Variants in CHD6 observed in about 807,000 individuals in gnomAD.
CHD6 encodes the protein ATP-dependent chromatin remodeler CHD6.
A neutral mutation model predicts 276.9 loss-of-function variants in CHD6; 50 were observed. The observed-to-expected ratio is 0.18, with a 90% CI of 0.14 to 0.23. CHD6 has a LOEUF of 0.23. Ranked by LOEUF, CHD6 falls within the 10% of genes least tolerant of loss-of-function variation. The probability of loss-of-function intolerance (pLI) is 1.00; values close to 1 mark genes in which losing one functional copy is unlikely to be tolerated. For missense variants in CHD6, 2,564 were observed against 3,365.8 expected, an observed-to-expected ratio of 0.76 and a Z score of 5.89; for synonymous variants, 1,173 against 1,229.3, an observed-to-expected ratio of 0.95 and a Z score of 0.96.
intron 1 of CHD6, among the ~76,000 whole-genome samples, chr20:41,594,618 G>T (rs759385374): frequency 5.3e-5 from 8 of 152,200 alleles, no homozygotes; most frequent in Non-Finnish European, 7.3e-5. Context: ...TTCAAAGCTT[G>T]CTTGGTCTTT....
Position 41,404,538 on chromosome 20 carries a change from C to T in CHD6, c.*55G>A. ...GAGGTGAAGTGAGGGAAGTAACAAA[C>T]CTTTATGGGATAAGAAACTTACAAG... On this transcript the variant is annotated 3_prime_UTR_variant, in exon 37 of 37. Coordinates refer to ENST00000373233, the MANE Select transcript of CHD6 (RefSeq NM_032221.5). 1 of 1,460,804 alleles carries T rather than the reference C, an allele frequency of 6.8e-7. No individual in the cohort carries two copies. The highest frequency in any genetic ancestry group is 9.1e-7 in the Non-Finnish European group (1 of 1,104,578). The allele number at this position is 1,460,804 out of a possible 1,614,324, so 90.5% of individuals were successfully genotyped here.
intron 27 of CHD6, among the ~76,000 whole-genome samples, chr20:41,434,338 A>G (rs1227238304): frequency 4.6e-5 from 7 of 152,244 alleles, no homozygotes; most frequent in Non-Finnish European, 1.5e-5. Flanking sequence ...TTATATAGTG[A>G]TAACAGGGTC....
chr20:41,487,152 C>T (rs1197062253), intron 14 of CHD6, among the ~76,000 whole-genome samples: 2 of 152,078 alleles, frequency 1.3e-5, no homozygotes, highest in Non-Finnish European at 2.9e-5. Context: ...TGGAACTGGA[C>T]CTTGAAAACT....
In CHD6 at chr20:41,484,544, T is replaced by C. The variant is rs945873488; in HGVS notation, c.2065A>G (p.Lys689Glu). 6.2e-7 allele frequency: 1 copy of C among 1,613,922 alleles called. No homozygotes were observed. Among genetic ancestry groups the C allele is most frequent in the Non-Finnish European group, 8.5e-7 (1 of 1,179,856 alleles). Residue 689 changes from lysine to glutamate, a missense_variant, in exon 15 of 37, where the codon AAG (lysine) becomes GAG (glutamate). Transcript: ENST00000373233. ...GTCTCTTGTTTGGGAGCAAGGTTCT[T>C]TTCCACATCATCTTTCAGCCGCCGA... ...MLRRLKDDVE[K>E]NLAPKQETII... is the part of the protein sequence containing the mutation.
rs754065547 is a variant in CHD6, at chr20:41,452,818, G to C, written c.3245C>G (p.Ser1082Cys). The C allele has an allele frequency of 2.5e-6, 4 of 1,613,344 alleles. No homozygotes were observed. Among genetic ancestry groups the C allele is most frequent in the Non-Finnish European group, 3.4e-6 (4 of 1,179,918 alleles). ...CCTGGCTTTGTCATTGAGGCGCCTG[G>C]ATCTCGTGGGCCTTTCGTCTGAGTC... ...DSDSDERPTR[S>C]RRLNDKARRY... The change falls in exon 21 of 37, where the codon TCC becomes TGC. Residue 1082 changes from serine to cysteine, a missense_variant. By Grantham distance (112) the Ser-to-Cys change is moderately radical. This residue lies in a region of CHD6 where 515 missense variants were observed against 739.5 expected (regional missense o/e 0.70). Coordinates refer to ENST00000373233, the MANE Select transcript of CHD6 (RefSeq NM_032221.5). The surrounding 1 kb of genome is among the most constrained non-coding windows in gnomAD (Gnocchi z 4.2).
chr20:41,611,286 A>G (rs2045884839), intron 1 of CHD6, among the ~76,000 whole-genome samples: 1 of 152,240 alleles, frequency 6.6e-6, no homozygotes, highest in Admixed American at 6.5e-5. Flanking sequence ...AAGGGTAGAA[A>G]TGCTAAAGGG....
At chr20:41,604,213 G>A (rs1034315625) in intron 1 of CHD6, among the ~76,000 whole-genome samples, 11 of 152,174 alleles carry the variant, frequency 7.2e-5, no homozygotes, top group African/African-American at 2.7e-4. Flanking sequence ...GCTGCTGAGT[G>A]TATGGCTGGA....
In CHD6 at chr20:41,552,328, A is replaced by C. The variant is rs375904909; in HGVS notation, c.-23-968T>G. Among the ~76,000 whole-genome samples, 11 of 152,344 alleles carry C rather than the reference A, an allele frequency of 7.2e-5. No individual in the cohort carries two copies. In the South Asian group the frequency reaches 1.2e-3, roughly 17 times the overall value. ...CACTCAGAAAACCAAATTACCCATA[A>C]GTTTCCTAATTATTTCTCATATCCA... On this transcript the variant is annotated intron_variant, in intron 1 of 36. Transcript: ENST00000373233.
intron 15 of CHD6, 76 bp downstream of exon 15, chr20:41,484,276 T>A: frequency 6.6e-7 from 1 of 1,515,504 alleles, no homozygotes; most frequent in Non-Finnish European, 9.1e-7. Flanking sequence ...ATTCAATACA[T>A]GAGTTATTTG....
chr20:41,542,270 T>G (rs954190996), intron 2 of CHD6, among the ~76,000 whole-genome samples: 3 of 152,214 alleles, frequency 2.0e-5, no homozygotes, highest in Non-Finnish European at 4.4e-5. Flanking sequence ...TTTTCCTACC[T>G]CTTCATTCCT....
At chr20:41,453,901 A>T (rs1600897554) in intron 20 of CHD6, among the ~76,000 whole-genome samples, 1 of 152,324 alleles carries the variant, frequency 6.6e-6, no homozygotes, top group East Asian at 1.9e-4. Context: ...TTAGCTAGCT[A>T]CAAGCAGGGA....
chr20:41,483,239 T>C, intron 16 of CHD6, 70 bp downstream of exon 16: 2 of 1,378,642 alleles, frequency 1.5e-6, no homozygotes, highest in South Asian at 3.1e-5. Flanking sequence ...AATTTTTGAA[T>C]GGATCAAAAA....
intron 35 of CHD6, 77 bp from the exon 36 acceptor site, chr20:41,412,340 G>T: frequency 6.5e-7 from 1 of 1,532,932 alleles, no homozygotes; most frequent in Non-Finnish European, 9.0e-7. Context: ...CTTTTCAACT[G>T]GTTTTGCTAT....
rs1165266221 is a variant in CHD6, at chr20:41,420,578, C to T, written c.6057G>A (p.Glu2019=). 1 of 1,614,126 alleles carries T rather than the reference C, an allele frequency of 6.2e-7. No homozygotes were observed. The highest frequency in any genetic ancestry group is 8.5e-7 in the Non-Finnish European group (1 of 1,180,000). The change falls in exon 31 of 37, where the codon GAG becomes GAA. Residue 2019 remains glutamate (E), a synonymous_variant. Coordinates refer to ENST00000373233, the MANE Select transcript of CHD6 (RefSeq NM_032221.5). ...VFPTYPLEGS[E]LKSEDMDFEN... The stretch of plus-strand genomic sequence containing the variant: ...CAAAATCCATGTCTTCTGATTTGAG[C>T]TCACTTCCTTCAAGAGGATATGTGG...
chr20:41,532,012 T>C (rs2044697654), intron 3 of CHD6, among the ~76,000 whole-genome samples: 2 of 152,220 alleles, frequency 1.3e-5, no homozygotes, highest in African/African-American at 4.8e-5. Context: ...ACATGTAAAT[T>C]CCTTAAGATA....
At chr20:41,531,543 C>T (rs1323549924) in intron 3 of CHD6, among the ~76,000 whole-genome samples, 2 of 152,128 alleles carry the variant, frequency 1.3e-5, no homozygotes, top group African/African-American at 4.8e-5. Flanking sequence ...GAAACAAATC[C>T]TGTTAAGGTT....
At chr20:41,424,084 T>A (rs867036901) in intron 29 of CHD6, among the ~76,000 whole-genome samples, 33 of 150,624 alleles carry the variant, frequency 2.2e-4, no homozygotes, top group Middle Eastern at 3.5e-3. Context: ...TATTTTTTTT[T>A]ACCCGTATGG....
chr20:41,467,994 CCTT>C (rs2042966655), intron 17 of CHD6, among the ~76,000 whole-genome samples: 1 of 152,010 alleles, frequency 6.6e-6, no homozygotes, highest in Admixed American at 6.6e-5. Flanking sequence ...GAATATTCTT[CCTT>C]CTTATCTCAT....
At chr20:41,549,731 G>A (rs1041603032) in intron 2 of CHD6, among the ~76,000 whole-genome samples, 4 of 151,812 alleles carry the variant, frequency 2.6e-5, no homozygotes, top group Non-Finnish European at 4.4e-5. Flanking sequence ...CAAATGTACA[G>A]ATTGCTTTAA....
Sources: allele counts gnomAD v4.1 joint callset (sites outside exome capture counted in the v4.1 genomes callset), GRCh38; gene constraint gnomAD v4.1.1; regional missense constraint gnomAD v4.1.1; non-coding constraint Gnocchi (gnomAD v3.1); transcripts MANE v1.5; gene names NCBI Gene and HGNC (gene_info 2026-07-23, HGNC 2026-07-21).